ZMYM4: variants seen among roughly 807,000 people sequenced by gnomAD.
ZMYM4 encodes zinc finger MYM-type containing 4.
A neutral mutation model predicts 183.2 loss-of-function variants in ZMYM4; 31 were observed. The observed-to-expected ratio is 0.17, with a 90% CI of 0.13 to 0.23. The LOEUF (loss-of-function observed/expected upper bound fraction) is 0.23, where lower values mean the gene tolerates loss of function less well. Ranked by LOEUF, ZMYM4 falls within the 10% of genes least tolerant of loss-of-function variation. ZMYM4 has a pLI of 1.00. For synonymous variants in ZMYM4, 592 were observed against 631.2 expected (o/e 0.94, Z 0.93); for missense variants, 1,273 against 1,840.3 (o/e 0.69, Z 5.64).
At chr1:35,395,017 C>T (rs1644782758) in intron 18 of ZMYM4, among the ~76,000 whole-genome samples, 3 of 152,152 alleles carry the variant, frequency 2.0e-5, no homozygotes, top group Admixed American at 2.0e-4. Flanking sequence ...AGCTGCAAGG[C>T]TATCCTGTCA....
At chr1:35,372,330 T>A (rs2148939600) in intron 7 of ZMYM4, among the ~76,000 whole-genome samples, 1 of 152,362 alleles carries the variant, frequency 6.6e-6, no homozygotes, top group South Asian at 2.1e-4. Context: ...AGATTTTGGC[T>A]TATTTCTTTA....
At chr1:35,328,766 A>G (rs547625470) in intron 2 of ZMYM4, among the ~76,000 whole-genome samples, 1 of 152,314 alleles carries the variant, frequency 6.6e-6, no homozygotes, top group Admixed American at 6.5e-5. Context: ...ATTCAGGAAC[A>G]TAGACCCCTA....
chr1:35,389,185 T>C lies in ZMYM4; in HGVS notation c.2436+103T>C. The C allele has an allele frequency of 2.5e-6, 3 of 1,209,282 alleles. No homozygotes were observed. The highest frequency in any genetic ancestry group is 3.4e-6 in the Non-Finnish European group (3 of 883,058). 74.9% of individuals were successfully genotyped at this position (1,209,282 alleles called of 1,614,324 possible). A position where few individuals can be genotyped will look rare whatever the true frequency, so the allele number is the denominator to read the frequency against. On this transcript the variant is annotated intron_variant, in intron 14 of 29. Transcript: ENST00000314607. The surrounding 1 kb of genome is among the most constrained non-coding windows in gnomAD (Gnocchi z 4.0). ...GGACAATTTAATTATTTAAAACTTT[T>C]AAGTATTAAATGTTTTATGCCTTCT...
rs56011152 is a variant in ZMYM4 at position 35,352,269 on chromosome 1, G to GCACACA, written c.86-6621_86-6616dup. On this transcript the variant is annotated intron_variant, in intron 2 of 29. Coordinates refer to ENST00000314607, the MANE Select transcript of ZMYM4 (RefSeq NM_005095.3). ...TAAAAATTAGCGCGCACGCGCGCGCGCACACACACACACACACACACACAC... is the reference window on the plus strand; with the variant it reads ...TAAAAATTAGCGCGCACGCGCGCGCGCACACACACACACACACACACACACACACAC... Among the ~76,000 whole-genome samples the GCACACA allele has an allele frequency of 4.8e-5, 6 of 124,526 alleles. 1 individual carries two copies. The highest frequency in any genetic ancestry group is 2.6e-4 in the South Asian group (1 of 3,824). 81.7% of individuals were successfully genotyped at this position (124,526 alleles called of 152,430 possible). A position where few individuals can be genotyped will look rare whatever the true frequency, so the allele number is the denominator to read the frequency against.
intron 1 of ZMYM4, among the ~76,000 whole-genome samples, chr1:35,293,737 C>T (rs776704625): frequency 2.0e-5 from 3 of 152,114 alleles, no homozygotes; most frequent in East Asian, 1.9e-4. Context: ...GGTAATTTCT[C>T]GAAGCCAAGG....
At chr1:35,377,912 AC>A (rs1343657295) in intron 7 of ZMYM4, among the ~76,000 whole-genome samples, 5 of 152,224 alleles carry the variant, frequency 3.3e-5, no homozygotes, top group African/African-American at 9.6e-5. Context: ...ATAGCATTTT[AC>A]CCAGAGAAGA....
In ZMYM4 at chr1:35,268,986, G is replaced by GGGCCGAGA; in HGVS notation, c.-58_-51dup. 2 of 1,492,224 alleles carry GGGCCGAGA rather than the reference G, an allele frequency of 1.3e-6. No homozygotes were observed. Among genetic ancestry groups the GGGCCGAGA allele is most frequent in the Admixed American group, 2.2e-5 (1 of 44,700 alleles). 92.4% of individuals were successfully genotyped at this position (1,492,224 alleles called of 1,614,324 possible). On this transcript the variant is annotated 5_prime_UTR_variant, in exon 1 of 30. Transcript: ENST00000314607. ...GCCTGCAGTGTGGGCGGGGGCCGGG[G>GGGCCGAGA]GGCCGAGAGGTACCGCCGCCACCGC...
At chr1:35,312,918 G>A (rs1415050082) in intron 1 of ZMYM4, among the ~76,000 whole-genome samples, 1 of 152,108 alleles carries the variant, frequency 6.6e-6, no homozygotes, top group East Asian at 1.9e-4. Context: ...TTTGGAGACG[G>A]AGTCTCGCTC....
At chr1:35,367,867 T>C (rs1644124734) in intron 5 of ZMYM4, among the ~76,000 whole-genome samples, 1 of 151,948 alleles carries the variant, frequency 6.6e-6, no homozygotes, top group South Asian at 2.1e-4. Context: ...TCTCAGCTAC[T>C]GGGGAGGCTG....
In ZMYM4 at chr1:35,396,985, A is replaced by T. The variant is rs1017623280; in HGVS notation, c.3030+315A>T. On this transcript the variant is annotated intron_variant, in intron 19 of 29. Transcript: ENST00000314607. ...TAGCAAGGGTGAAAAGAGTACTGTG[A>T]TTTATATAATTCTCATTTTTGATTA... 8.0e-6 allele frequency: 6 copies of T among 753,266 alleles called. No homozygotes were observed. The Middle Eastern group carries it at 1.8e-3, about 224-fold the overall frequency. The allele number at this position is 753,266 out of a possible 1,614,324, so 46.7% of individuals were successfully genotyped here.
At chr1:35,352,408 A>ACACACG (rs1348659262) in intron 2 of ZMYM4, among the ~76,000 whole-genome samples, 1 of 151,968 alleles carries the variant, frequency 6.6e-6, no homozygotes, top group African/African-American at 2.4e-5. Context: ...ACACACACAC[A>ACACACG]CACACACACA....
At chr1:35,336,800 T>C (rs1333488290) in intron 2 of ZMYM4, among the ~76,000 whole-genome samples, 1 of 152,206 alleles carries the variant, frequency 6.6e-6, no homozygotes, top group Non-Finnish European at 1.5e-5. Context: ...TCATCTTGAA[T>C]TGTAATCCCC....
chr1:35,331,797 C>CATAAATAAATAA (rs56242648), intron 2 of ZMYM4, among the ~76,000 whole-genome samples: 7,293 of 140,504 alleles, frequency 0.052, 223 homozygotes, highest in African/African-American at 0.067. Flanking sequence ...CTCAAAAATA[C>CATAAATAAATAA]ATAAATAAAT....
chr1:35,385,649 T>C, intron 10 of ZMYM4, 57 bp downstream of exon 10: 1 of 1,526,924 alleles, frequency 6.5e-7, no homozygotes. Flanking sequence ...TGGTTATTGC[T>C]TTGTTTTTAA....
rs1558081179 is a variant in ZMYM4 at position 35,361,716 on chromosome 1, A to T, written c.767A>T (p.Asp256Val). ...NIRIKEEPLD[D>V]EYDKAMAPQQ... ...AGAATTAAAGAAGAACCTTTGGATG[A>T]TGAGTATGACAAAGCAATGGCACCA... The change falls in exon 5 of 30, where the codon GAT (aspartate) becomes GTT (valine). Residue 256 changes from aspartate (D) to valine (V), a missense_variant. Asp to Val is a radical substitution (Grantham distance 152, BLOSUM62 -3). Around this residue, in one of 6 missense-constraint regions of ZMYM4, gnomAD observed 384 missense variants for 465.6 expected, o/e 0.82. Coordinates refer to ENST00000314607, the MANE Select transcript of ZMYM4 (RefSeq NM_005095.3). 3 of 1,613,878 alleles carry T rather than the reference A, an allele frequency of 1.9e-6. No individual in the cohort carries two copies. Among genetic ancestry groups the T allele is most frequent in the Non-Finnish European group, 1.7e-6 (2 of 1,179,842 alleles).
chr1:35,349,772 G>A (rs1024082297), intron 2 of ZMYM4, among the ~76,000 whole-genome samples: 7 of 150,740 alleles, frequency 4.6e-5, no homozygotes, highest in African/African-American at 1.5e-4. Flanking sequence ...GGAAGTTGCA[G>A]TGAGCTGAGA....
intron 15 of ZMYM4, 49 bp downstream of exon 15, chr1:35,390,147 A>G (rs1256413692): frequency 1.5e-5 from 23 of 1,564,918 alleles, no homozygotes; most frequent in Admixed American, 1.8e-5. Flanking sequence ...AATACTAGGA[A>G]CTACTGTTCT....
At chr1:35,291,795 G>A (rs572366154) in intron 1 of ZMYM4, among the ~76,000 whole-genome samples, 20 of 151,944 alleles carry the variant, frequency 1.3e-4, no homozygotes, top group Non-Finnish European at 2.2e-4. Flanking sequence ...CTGCCACCGC[G>A]CCTGTCTACT....
At chr1:35,314,811 G>A (rs1641970816) in intron 1 of ZMYM4, among the ~76,000 whole-genome samples, 1 of 149,728 alleles carries the variant, frequency 6.7e-6, no homozygotes, top group African/African-American at 2.5e-5. Context: ...TATCACCTGA[G>A]GTCAGGAGTT....
Sources: allele counts gnomAD v4.1 joint callset (sites outside exome capture counted in the v4.1 genomes callset), GRCh38; gene constraint gnomAD v4.1.1; regional missense constraint gnomAD v4.1.1; non-coding constraint Gnocchi (gnomAD v3.1); transcripts MANE v1.5; gene names NCBI Gene and HGNC (gene_info 2026-07-23, HGNC 2026-07-21).